Variants in FBXW8 observed in about 807,000 individuals in gnomAD.
FBXW8 encodes F-box and WD repeat domain containing 8.
In FBXW8, 57 loss-of-function variants were observed where a neutral mutation model predicts 65.3. The ratio of observed to expected loss-of-function variants is 0.87; its 90% CI spans 0.71 to 1.09. The LOEUF is 1.09. Ranked by LOEUF, FBXW8 falls within the 50% of genes least tolerant of loss-of-function variation. The probability of loss-of-function intolerance (pLI) is 0.00; values close to 1 mark genes in which losing one functional copy is unlikely to be tolerated. For missense variants in FBXW8, 777 were observed against 814.8 expected (o/e 0.95, Z 0.57); for synonymous variants, 308 against 330.2 (o/e 0.93, Z 0.73).
In FBXW8 at chr12:116,911,191, G is replaced by C; in HGVS notation, c.154G>C (p.Asp52His). The change falls in exon 1 of 11, where the codon GAC becomes CAC. Residue 52 changes from aspartate to histidine, a missense_variant. Coordinates refer to ENST00000652555, the MANE Select transcript of FBXW8 (RefSeq NM_153348.3). ...CGGGCGCGGCGAACAGGCCTCGGGG[G>C]ACCCGGCGCTGGCCCAGCGTCTCCT... ...GSGRGEQASG[D>H]PALAQRLLEG... is the part of the protein sequence containing the mutation. The C allele has an allele frequency of 7.8e-7, 1 of 1,289,062 alleles. No individual in the cohort carries two copies. The highest frequency in any genetic ancestry group is 9.8e-7 in the Non-Finnish European group (1 of 1,024,188). 79.9% of individuals were successfully genotyped at this position (1,289,062 alleles called of 1,614,324 possible).
intron 1 of FBXW8, among the ~76,000 whole-genome samples, chr12:116,926,106 T>C (rs1222930522): frequency 1.3e-5 from 2 of 152,216 alleles, no homozygotes; most frequent in South Asian, 2.1e-4. Flanking sequence ...TTTTCTGCAC[T>C]AGAACAGCTA....
chr12:117,027,893 T>C, intron 10 of FBXW8, 135 bp from the exon 11 acceptor site: 2 of 1,185,280 alleles, frequency 1.7e-6, no homozygotes, highest in Non-Finnish European at 1.2e-6. Context: ...TCTGACGCTG[T>C]GTGCCCAGAG....
At chr12:117,017,868 CCT>C (rs1199212059) in intron 8 of FBXW8, among the ~76,000 whole-genome samples, 2 of 152,058 alleles carry the variant, frequency 1.3e-5, no homozygotes, top group Non-Finnish European at 2.9e-5. Context: ...GGAAGCACGC[CCT>C]GAGTTGTGAC....
intron 5 of FBXW8, among the ~76,000 whole-genome samples, chr12:116,983,004 C>G (rs1021300954): frequency 9.2e-5 from 14 of 152,102 alleles, no homozygotes; most frequent in African/African-American, 3.4e-4. Flanking sequence ...GTTGTTTAAC[C>G]GCTCGGTGCT....
chr12:116,925,168 C>T (rs1881222513), intron 1 of FBXW8, among the ~76,000 whole-genome samples: 1 of 151,960 alleles, frequency 6.6e-6, no homozygotes, highest in East Asian at 1.9e-4. Flanking sequence ...TCAGAGAGGT[C>T]CTGAACTGAG....
intron 7 of FBXW8, among the ~76,000 whole-genome samples, chr12:116,996,570 G>C (rs910657040): frequency 6.6e-6 from 1 of 151,284 alleles, no homozygotes. Context: ...TATTTGCTTT[G>C]TGAACTTTCC....
chr12:116,998,915 G>C (rs751670633), intron 7 of FBXW8, among the ~76,000 whole-genome samples: 2 of 152,150 alleles, frequency 1.3e-5, no homozygotes, highest in Non-Finnish European at 2.9e-5. Context: ...TCGCAGCTTA[G>C]ACTCACAAAA....
chr12:116,988,974 G>A, intron 7 of FBXW8, 105 bp downstream of exon 7: 2 of 1,065,876 alleles, frequency 1.9e-6, no homozygotes, highest in African/African-American at 1.6e-5. Context: ...AGATATATCA[G>A]GCCAGTATAT....
rs1954289033 is a variant in FBXW8 at position 117,028,355 on chromosome 12, C to T, written c.*183C>T. ...TCCCCCAGCGCCTGGGGCAAGCTGG[C>T]GTGTGCCAGGGCTCGAGTCCCACGT... On this transcript the variant is annotated 3_prime_UTR_variant, in exon 11 of 11. Coordinates refer to ENST00000652555, the MANE Select transcript of FBXW8 (RefSeq NM_153348.3). This position sits in a 1 kb window ranked among gnomAD's most constrained non-coding sequence, Gnocchi z 4.1. 11 of 730,862 alleles carry T rather than the reference C, an allele frequency of 1.5e-5. No homozygotes were observed. The highest frequency in any genetic ancestry group is 2.8e-5 in the East Asian group (1 of 36,272). 45.3% of individuals were successfully genotyped at this position (730,862 alleles called of 1,614,324 possible). A position where few individuals can be genotyped will look rare whatever the true frequency, so the allele number is the denominator to read the frequency against.
chr12:117,003,238 G>T (rs575154679), intron 7 of FBXW8: 1 of 152,160 alleles, frequency 6.6e-6, no homozygotes. Flanking sequence ...GTAGATACAC[G>T]CAGACATGTA....
intron 8 of FBXW8, among the ~76,000 whole-genome samples, chr12:117,011,982 C>G (rs1331867968): frequency 6.6e-6 from 1 of 152,116 alleles, no homozygotes. Context: ...TATAAGTAAT[C>G]TAGAGATGGT....
intron 1 of FBXW8, among the ~76,000 whole-genome samples, chr12:116,917,374 A>G (rs533441781): frequency 6.6e-5 from 10 of 152,278 alleles, no homozygotes; most frequent in African/African-American, 2.4e-4. Flanking sequence ...AGTTAGTTCC[A>G]TTTGAGACTC....
At chr12:117,001,041 C>T (rs1953508618) in intron 7 of FBXW8, among the ~76,000 whole-genome samples, 1 of 152,128 alleles carries the variant, frequency 6.6e-6, no homozygotes, top group African/African-American at 2.4e-5. Context: ...TATTTGTCTT[C>T]TCTCCCTCTT....
At position 117,024,154 on chromosome 12, in the gene FBXW8, A is replaced by G. The variant is rs1954166763; in HGVS notation, c.1375A>G (p.Ile459Val). 3 of 1,613,582 alleles carry G rather than the reference A, an allele frequency of 1.9e-6. No individual in the cohort carries two copies. In the East Asian group the frequency reaches 6.7e-5, roughly 36 times the overall value. Residue 459 changes from isoleucine to valine, a missense_variant, in exon 9 of 11, where the codon ATC becomes GTC. Transcript: ENST00000652555. ...CTTCCTGGGCCTGTCCAGGGTGAGGATCCACGACCTCCGCAGTGGTAACAT... is the reference window on the plus strand; with the variant it reads ...CTTCCTGGGCCTGTCCAGGGTGAGGGTCCACGACCTCCGCAGTGGTAACAT... The part of the protein sequence containing the change: ...VSGNMDGRVR[I>V]HDLRSGNIAL...
chr12:117,002,485 T>G (rs1459999494), intron 7 of FBXW8: 2 of 152,248 alleles, frequency 1.3e-5, no homozygotes, highest in Non-Finnish European at 2.9e-5. Flanking sequence ...CTTCAAGATT[T>G]GCATCTTGCC....
intron 9 of FBXW8, 100 bp from the exon 10 acceptor site, chr12:117,027,293 TG>T: frequency 1.2e-6 from 1 of 849,668 alleles, no homozygotes; most frequent in Non-Finnish European, 2.0e-6. Flanking sequence ...CTTAGCTTTA[TG>T]GGTTCTAGAA....
chr12:117,012,619 T>G lies in FBXW8; in HGVS notation c.1367+2169T>G, dbSNP rs150975971. The stretch of plus-strand genomic sequence containing the variant: ...TCCCCGGAGGTTTAATAGCTATGAG[T>G]AAGATCTCATTAGAGATGCTGGCCC... On this transcript the variant is annotated intron_variant, in intron 8 of 10. Transcript: ENST00000652555. Among the ~76,000 whole-genome samples the G allele has an allele frequency of 3.3e-5, 5 of 152,284 alleles. No individual in the cohort carries two copies. The East Asian group carries it at 9.6e-4, about 29-fold the overall frequency.
At chr12:116,918,622 A>G (rs575333623) in intron 1 of FBXW8, among the ~76,000 whole-genome samples, 1 of 152,316 alleles carries the variant, frequency 6.6e-6, no homozygotes, top group South Asian at 2.1e-4. Context: ...CAAGTCATGA[A>G]CCTAAATTCC....
chr12:117,028,534 C>T lies in FBXW8; in HGVS notation c.*362C>T. ...GCCCTCCCAGCTCCAGCCCTGCAGGCCGTCTTTTCCGTCTCCAGCCCCTTA... is the reference window on the plus strand; with the variant it reads ...GCCCTCCCAGCTCCAGCCCTGCAGGTCGTCTTTTCCGTCTCCAGCCCCTTA... On this transcript the variant is annotated 3_prime_UTR_variant, in exon 11 of 11. Coordinates refer to ENST00000652555, the MANE Select transcript of FBXW8 (RefSeq NM_153348.3). This position sits in a 1 kb window ranked among gnomAD's most constrained non-coding sequence, Gnocchi z 4.1. 4.8e-6 allele frequency: 1 copy of T among 208,514 alleles called. No individual in the cohort carries two copies. The highest frequency in any genetic ancestry group is 9.9e-6 in the Non-Finnish European group (1 of 101,248). The allele number at this position is 208,514 out of a possible 1,614,324, so 12.9% of individuals were successfully genotyped here.
Sources: allele counts gnomAD v4.1 joint callset (sites outside exome capture counted in the v4.1 genomes callset), GRCh38; gene constraint gnomAD v4.1.1; non-coding constraint Gnocchi (gnomAD v3.1); transcripts MANE v1.5; gene names NCBI Gene and HGNC (gene_info 2026-07-23, HGNC 2026-07-21).